CDH13: variants seen among roughly 807,000 people sequenced by gnomAD.
CDH13 encodes cadherin 13.
A neutral mutation model predicts 63.8 loss-of-function variants in CDH13; 24 were observed. The ratio of observed to expected loss-of-function variants is 0.38; its 90% confidence interval spans 0.27 to 0.53. CDH13 has a LOEUF of 0.53. Among genes scored for constraint, CDH13 ranks in the 20% least tolerant of loss-of-function variants. The pLI is 0.85. For synonymous variants in CDH13, 503 were observed against 355.3 expected, an observed-to-expected ratio of 1.42 and a Z score of -4.67; for missense variants, 1,049 against 903.1, an observed-to-expected ratio of 1.16 and a Z score of -2.07.
At chr16:83,360,681 C>G (rs2151385212) in intron 6 of CDH13, among the ~76,000 whole-genome samples, 1 of 152,260 alleles carries the variant, frequency 6.6e-6, no homozygotes, top group South Asian at 2.1e-4. Flanking sequence ...TTATGTTTAG[C>G]TCCCACTTAT....
chr16:82,709,877 C>G (rs1464310331), intron 1 of CDH13, among the ~76,000 whole-genome samples: 2 of 152,006 alleles, frequency 1.3e-5, no homozygotes, highest in African/African-American at 4.8e-5. Flanking sequence ...ACAGATAGAG[C>G]TGTCCAAAGA....
intron 5 of CDH13, among the ~76,000 whole-genome samples, chr16:83,323,189 T>C (rs986147727): frequency 3.1e-5 from 4 of 130,762 alleles, no homozygotes; most frequent in Admixed American, 7.4e-5. Flanking sequence ...TTTCTTTCTT[T>C]CTTTCTTTCT....
chr16:82,693,581 A>G (rs1179406723), intron 1 of CDH13, among the ~76,000 whole-genome samples: 8 of 152,238 alleles, frequency 5.3e-5, no homozygotes, highest in Non-Finnish European at 1.0e-4. Flanking sequence ...CCTGTATAAG[A>G]ACCTCCAAGT....
intron 3 of CDH13, among the ~76,000 whole-genome samples, chr16:83,094,866 C>CT (rs1466672231): frequency 1.3e-4 from 20 of 152,252 alleles, no homozygotes; most frequent in African/African-American, 4.8e-4. Flanking sequence ...TAGATACCTA[C>CT]TTTTTAAGAT....
chr16:83,571,706 C>T (rs1486761407), intron 7 of CDH13, among the ~76,000 whole-genome samples: 2 of 152,028 alleles, frequency 1.3e-5, no homozygotes, highest in African/African-American at 4.8e-5. Flanking sequence ...CTCCCTTTTT[C>T]CTTCTCAACT....
At chr16:83,026,872 G>T (rs915679881) in intron 2 of CDH13, among the ~76,000 whole-genome samples, 1 of 152,116 alleles carries the variant, frequency 6.6e-6, no homozygotes, top group African/African-American at 2.4e-5. Flanking sequence ...GACAGATAAG[G>T]CACCACCTCT....
intron 1 of CDH13, among the ~76,000 whole-genome samples, chr16:82,795,931 G>T (rs1363733614): frequency 6.7e-6 from 1 of 149,596 alleles, no homozygotes; most frequent in East Asian, 2.0e-4. Flanking sequence ...GGAAAAAAAG[G>T]CCACCCTTCA....
intron 7 of CDH13, among the ~76,000 whole-genome samples, chr16:83,544,148 G>A (rs1598263108): frequency 6.6e-6 from 1 of 152,200 alleles, no homozygotes; most frequent in African/African-American, 2.4e-5. Flanking sequence ...CACTCGCAGT[G>A]TCTCTGAGGT....
intron 4 of CDH13, among the ~76,000 whole-genome samples, chr16:83,210,822 G>T (rs951282023): frequency 1.3e-5 from 2 of 151,566 alleles, no homozygotes; most frequent in African/African-American, 4.9e-5. Flanking sequence ...GGCAGTGGGG[G>T]ATCCTGGATT....
chr16:83,482,757 CGT>C (rs947759188), intron 6 of CDH13, among the ~76,000 whole-genome samples: 3 of 152,040 alleles, frequency 2.0e-5, no homozygotes, highest in Admixed American at 1.3e-4. Context: ...TGTGTGTGCA[CGT>C]GTGTGTGTGT....
chr16:83,531,982 G>A lies in CDH13; in HGVS notation c.960+45327G>A, dbSNP rs1051226065. Among the ~76,000 whole-genome samples, 5 of 152,268 alleles carry A rather than the reference G, an allele frequency of 3.3e-5. No individual in the cohort carries two copies. In the East Asian group the frequency reaches 9.7e-4, roughly 29 times the overall value. On this transcript the variant is annotated intron_variant, in intron 7 of 13. Coordinates refer to ENST00000567109, the MANE Select transcript of CDH13 (RefSeq NM_001257.5). ...CCACAATTCCCATGTGTTATGGGAGGCACCCGGTGGGAGGTAATTGAATCA... is the reference window on the plus strand; with the variant it reads ...CCACAATTCCCATGTGTTATGGGAGACACCCGGTGGGAGGTAATTGAATCA...
intron 2 of CDH13, among the ~76,000 whole-genome samples, chr16:83,018,009 T>C (rs1914970662): frequency 1.3e-5 from 2 of 152,228 alleles, no homozygotes; most frequent in Admixed American, 1.3e-4. Flanking sequence ...AAAAACTCTC[T>C]TCTTTTTCAC....
intron 1 of CDH13, among the ~76,000 whole-genome samples, chr16:82,731,856 T>C (rs890618711): frequency 6.6e-6 from 1 of 152,238 alleles, no homozygotes; most frequent in African/African-American, 2.4e-5. Flanking sequence ...ATGCCTATAT[T>C]GGTTTTTGTG....
intron 10 of CDH13, among the ~76,000 whole-genome samples, chr16:83,733,050 C>T (rs1212779972): frequency 6.6e-6 from 1 of 152,204 alleles, no homozygotes; most frequent in Non-Finnish European, 1.5e-5. Flanking sequence ...TGAAGATACG[C>T]ATCCCAAGGG....
chr16:82,843,016 A>G (rs1211748818), intron 1 of CDH13, among the ~76,000 whole-genome samples: 1 of 152,160 alleles, frequency 6.6e-6, no homozygotes, highest in East Asian at 1.9e-4. Context: ...TGGGCCCGCC[A>G]CTCACCTCTT....
At chr16:83,732,150 A>G (rs187211781) in intron 10 of CDH13, among the ~76,000 whole-genome samples, 3 of 152,354 alleles carry the variant, frequency 2.0e-5, no homozygotes, top group Non-Finnish European at 2.9e-5. Context: ...AAGACCGGCA[A>G]TGAACAAGCC....
chr16:82,673,376 C>G (rs1388994752), intron 1 of CDH13, among the ~76,000 whole-genome samples: 1 of 152,146 alleles, frequency 6.6e-6, no homozygotes, highest in Non-Finnish European at 1.5e-5. Context: ...CTAGTTCTCT[C>G]TAGAAACTCA....
chr16:82,939,683 G>A (rs986042316), intron 2 of CDH13, among the ~76,000 whole-genome samples: 6 of 152,304 alleles, frequency 3.9e-5, no homozygotes, highest in African/African-American at 1.4e-4. Flanking sequence ...CAGAATGGAT[G>A]TTTTTAAGAA....
intron 1 of CDH13, among the ~76,000 whole-genome samples, chr16:82,658,548 C>G (rs905854301): frequency 9.2e-5 from 14 of 152,186 alleles, no homozygotes; most frequent in African/African-American, 3.1e-4. Context: ...AATTGCACCT[C>G]CGTTGCTTAT....
Sources: gnomAD v4.1 joint callset for allele counts (sites outside exome capture counted in the v4.1 genomes callset) on GRCh38, gnomAD v4.1.1 for gene constraint, MANE v1.5 for transcripts, NCBI Gene and HGNC (gene_info 2026-07-23, HGNC 2026-07-21) for gene names.